USH1G: variants seen among roughly 807,000 people sequenced by gnomAD.
The protein encoded by USH1G is pre-mRNA splicing regulator USH1G.
A neutral mutation model predicts 31.9 loss-of-function variants in USH1G; 27 were observed. The ratio of observed to expected loss-of-function variants is 0.85; its 90% CI spans 0.62 to 1.17. The LOEUF is 1.17. Ranked by LOEUF, USH1G falls within the 50% of genes most tolerant of loss-of-function variation. The pLI is 0.00. For missense variants in USH1G, 674 were observed against 638.9 expected (o/e 1.05, Z -0.59); for synonymous variants, 266 against 283.2 (o/e 0.94, Z 0.61).
At position 74,920,499 on chromosome 17, in the gene USH1G, A is replaced by G; in HGVS notation, c.337T>C (p.Cys113Arg). 2 of 1,613,760 alleles carry G rather than the reference A, an allele frequency of 1.2e-6. No homozygotes were observed. The highest frequency in any genetic ancestry group is 2.2e-5 in the East Asian group (1 of 44,884). Reference protein sequence around the residue: ...DMAAMKGHMECVRYLDSIAAK... With the variant: ...DMAAMKGHMERVRYLDSIAAK... ...GCGATGGAGTCCAGGTAGCGCACGC[A>G]TTCCATGTGGCCCTTCATGGCAGCC... Residue 113 changes from cysteine to arginine, a missense_variant, in exon 2 of 3, where the codon TGC becomes CGC. Coordinates refer to ENST00000614341, the MANE Select transcript of USH1G (RefSeq NM_173477.5). The surrounding 1 kb of genome is among the most constrained non-coding windows in gnomAD (Gnocchi z 5.2).
chr17:74,917,832 G>T lies in USH1G; in HGVS notation c.*241C>A. The T allele has an allele frequency of 1.7e-6, 1 of 583,064 alleles. No individual in the cohort carries two copies. 36.1% of individuals were successfully genotyped at this position (583,064 alleles called of 1,614,324 possible). ...TGTCCTTTACGGCTGCTCAGAATGG[G>T]TGGCTCAGGGCCTTCAAGACCCCTC... On this transcript the variant is annotated 3_prime_UTR_variant, in exon 3 of 3. Coordinates refer to ENST00000614341, the MANE Select transcript of USH1G (RefSeq NM_173477.5).
In USH1G at chr17:74,922,916, C is replaced by T. The variant is rs2038962560; in HGVS notation, c.158G>A (p.Ser53Asn). Residue 53 changes from serine to asparagine, a missense_variant, in exon 1 of 3, where the codon AGC becomes AAC. By Grantham distance (46) the Ser-to-Asn change is conservative. Transcript: ENST00000614341. ...CTGGGTGGGGCGTACTCACCCGCGG[C>T]TCACAATGAGACGCAGCGACTCGAG... ...GNLESLRLIV[S>N]RGGDPDKCDI... 1 of 1,546,266 alleles carries T rather than the reference C, an allele frequency of 6.5e-7. No homozygotes were observed.
chr17:74,922,415 A>G (rs1206832522), intron 1 of USH1G, among the ~76,000 whole-genome samples: 1 of 152,078 alleles, frequency 6.6e-6, no homozygotes, highest in Non-Finnish European at 1.5e-5. Flanking sequence ...GTGTCCATAA[A>G]TCCCCAAAAT....
At position 74,921,486 on chromosome 17, in the gene USH1G, G is replaced by A. The variant is rs912083985; in HGVS notation, c.165-815C>T. On this transcript the variant is annotated intron_variant, in intron 1 of 2. Coordinates refer to ENST00000614341, the MANE Select transcript of USH1G (RefSeq NM_173477.5). The surrounding 1 kb of genome is among the most constrained non-coding windows in gnomAD (Gnocchi z 4.6). Reference sequence around the variant, plus strand: ...CAGGGCAAGCTCCCAAGACTCCTCCGGAGCTCTCCCTCCCTTGGGGGCCCA... The same window carrying A: ...CAGGGCAAGCTCCCAAGACTCCTCCAGAGCTCTCCCTCCCTTGGGGGCCCA... 4.0e-5 allele frequency among the ~76,000 whole-genome samples: 6 copies of A among 151,400 alleles called. No individual in the cohort carries two copies. Among genetic ancestry groups the A allele is most frequent in the Admixed American group, 6.6e-5 (1 of 15,240 alleles).
rs772606877 is a variant in USH1G, at chr17:74,919,773, C to A, written c.1063G>T (p.Asp355Tyr). Residue 355 changes from aspartate (D) to tyrosine (Y), a missense_variant, in exon 2 of 3, where the codon GAC (aspartate) becomes TAC (tyrosine). Asp to Tyr is a radical substitution (Grantham distance 160). Transcript: ENST00000614341. The surrounding 1 kb of genome is among the most constrained non-coding windows in gnomAD (Gnocchi z 4.5). ...AGGCTGTTGGCACTGCCCAGGCTGTCATCGTCCAGGCTGGGGGAGCTCTGC... is the reference window on the plus strand; with the variant it reads ...AGGCTGTTGGCACTGCCCAGGCTGTAATCGTCCAGGCTGGGGGAGCTCTGC... ...RLQSSPSLDD[D>Y]SLGSANSLQD... The A allele has an allele frequency of 2.5e-6, 4 of 1,612,916 alleles. No homozygotes were observed. The highest frequency in any genetic ancestry group is 1.1e-5 in the South Asian group (1 of 91,076).
At position 74,922,892 on chromosome 17, in the gene USH1G, T is replaced by A. The variant is rs1170613058; in HGVS notation, c.164+18A>T. On this transcript the variant is annotated intron_variant, in intron 1 of 2. Transcript: ENST00000614341. Reference sequence around the variant, plus strand: ...GTGGTCTCAGGGGCCTCAAGGGCACTGGGTGGGGCGTACTCACCCGCGGCT... The same window carrying A: ...GTGGTCTCAGGGGCCTCAAGGGCACAGGGTGGGGCGTACTCACCCGCGGCT... The A allele has an allele frequency of 6.5e-7, 1 of 1,539,242 alleles. No homozygotes were observed. Among genetic ancestry groups the A allele is most frequent in the Non-Finnish European group, 8.8e-7 (1 of 1,138,700 alleles).
In USH1G at chr17:74,920,391, C is replaced by G; in HGVS notation, c.445G>C (p.Glu149Gln). ...TGCCTCCGCTGCAGCTTGGCGCACT[C>G]GCGGATGCGCCGCTCCGCCTCGCGG... ...AFREAERRIR[E>Q]CAKLQRRHHE... Residue 149 changes from glutamate to glutamine, a missense_variant, in exon 2 of 3, where the codon GAG (glutamate) becomes CAG (glutamine). Transcript: ENST00000614341. The surrounding 1 kb of genome is among the most constrained non-coding windows in gnomAD (Gnocchi z 5.2). 1.9e-6 allele frequency: 3 copies of G among 1,613,188 alleles called. No homozygotes were observed. The highest frequency in any genetic ancestry group is 2.2e-5 in the East Asian group (1 of 44,878).
At position 74,920,648 on chromosome 17, in the gene USH1G, ATG is replaced by A. The variant is rs730880268; in HGVS notation, c.186_187del (p.Ile63LeufsTer71). The A allele has an allele frequency of 6.2e-7, 1 of 1,613,530 alleles. No individual in the cohort carries two copies. Among genetic ancestry groups the A allele is most frequent in the Non-Finnish European group, 8.5e-7 (1 of 1,179,958 alleles). On this transcript the variant is annotated frameshift_variant, in exon 2 of 3. Coordinates refer to ENST00000614341, the MANE Select transcript of USH1G (RefSeq NM_173477.5). LOFTEE classifies it high-confidence loss of function. The surrounding 1 kb of genome is among the most constrained non-coding windows in gnomAD (Gnocchi z 5.2). The stretch of plus-strand genomic sequence containing the variant: ...CAGATGCAGGGGTGTGTTGCCCCAG[ATG>A]TCACACTTGTCCGGGTCACCCCTGC...
Position 74,923,119 on chromosome 17 carries a change from C to T in USH1G, c.-46G>A. 2.0e-6 allele frequency: 3 copies of T among 1,525,854 alleles called. No homozygotes were observed. Among genetic ancestry groups the T allele is most frequent in the South Asian group, 2.4e-5 (2 of 81,696 alleles). The allele number at this position is 1,525,854 out of a possible 1,614,324, so 94.5% of individuals were successfully genotyped here. A position where few individuals can be genotyped will look rare whatever the true frequency, so the allele number is the denominator to read the frequency against. On this transcript the variant is annotated 5_prime_UTR_variant, in exon 1 of 3. Transcript: ENST00000614341. The surrounding 1 kb of genome is among the most constrained non-coding windows in gnomAD (Gnocchi z 5.3). Reference sequence around the variant, plus strand: ...CGGGCGGGGGACACGGAGAAAGGCCCCCCGCAGGGGAGGGCGGCGGTATTA... The same window carrying T: ...CGGGCGGGGGACACGGAGAAAGGCCTCCCGCAGGGGAGGGCGGCGGTATTA...
Position 74,917,684 on chromosome 17 carries a change from G to A in USH1G, c.*389C>T. On this transcript the variant is annotated 3_prime_UTR_variant, in exon 3 of 3. Transcript: ENST00000614341. ...GAGCACAAGAGAACAAGACCATCAG[G>A]GGAGGGGTGGGAGAGGCCACGGCGC... 3.2e-6 allele frequency: 1 copy of A among 314,100 alleles called. No homozygotes were observed. Among genetic ancestry groups the A allele is most frequent in the Non-Finnish European group, 6.1e-6 (1 of 162,832 alleles). 19.5% of individuals were successfully genotyped at this position (314,100 alleles called of 1,614,324 possible). A position where few individuals can be genotyped will look rare whatever the true frequency, so the allele number is the denominator to read the frequency against.
rs974652919 is a variant in USH1G, at chr17:74,920,022, G to A, written c.814C>T (p.Leu272Phe). The change falls in exon 2 of 3, where the codon CTC becomes TTC. Residue 272 changes from leucine (L) to phenylalanine (F), a missense_variant. Coordinates refer to ENST00000614341, the MANE Select transcript of USH1G (RefSeq NM_173477.5). The surrounding 1 kb of genome is among the most constrained non-coding windows in gnomAD (Gnocchi z 5.2). ...TCGTCCGAGAGGAACATGTCCCGGA[G>A]CGGGGCTCGGCCCCACTCCTTGGGA... ...ANPKEWGRAP[L>F]RDMFLSDEDS... 2.0e-5 allele frequency: 33 copies of A among 1,611,492 alleles called. No homozygotes were observed. Among genetic ancestry groups the A allele is most frequent in the Non-Finnish European group, 2.6e-5 (31 of 1,179,740 alleles).
chr17:74,920,256 C>A lies in USH1G; in HGVS notation c.580G>T (p.Ala194Ser). The A allele has an allele frequency of 1.2e-6, 2 of 1,602,538 alleles. No homozygotes were observed. Among genetic ancestry groups the A allele is most frequent in the Admixed American group, 1.7e-5 (1 of 59,978 alleles). Residue 194 changes from alanine to serine, a missense_variant, in exon 2 of 3, where the codon GCG becomes TCG. Ala to Ser is a moderately conservative substitution (Grantham distance 99). Coordinates refer to ENST00000614341, the MANE Select transcript of USH1G (RefSeq NM_173477.5). This position sits in a 1 kb window ranked among gnomAD's most constrained non-coding sequence, Gnocchi z 5.2. The stretch of plus-strand genomic sequence containing the variant: ...GAGTACGGCAGGTGGCTGCCCAGCG[C>A]CAGATGCTGCAGCCGGCGGCTCAGG... ...STLSRRLQHL[A>S]LGSHLPYSQA... is the part of the protein sequence containing the mutation.
chr17:74,922,853 C>T, intron 1 of USH1G, 57 bp downstream of exon 1: 1 of 1,513,816 alleles, frequency 6.6e-7, no homozygotes, highest in East Asian at 2.5e-5. Context: ...GAGTGGTGGA[C>T]GAGGAAGTTT....
intron 1 of USH1G, among the ~76,000 whole-genome samples, chr17:74,922,108 G>A (rs1304285470): frequency 3.9e-5 from 6 of 152,134 alleles, no homozygotes; most frequent in Non-Finnish European, 5.9e-5. Context: ...AAGCCACTGG[G>A]GCTGAGGGAG....
Position 74,920,226 on chromosome 17 carries a change from C to T in USH1G, c.610G>A (p.Ala204Thr), listed in dbSNP as rs1351914348. 1 of 1,603,164 alleles carries T rather than the reference C, an allele frequency of 6.2e-7. No individual in the cohort carries two copies. The highest frequency in any genetic ancestry group is 2.2e-5 in the East Asian group (1 of 44,872). The change falls in exon 2 of 3, where the codon GCC (alanine) becomes ACC (threonine). Residue 204 changes from alanine to threonine, a missense_variant. By Grantham distance (58) the Ala-to-Thr change is moderately conservative (BLOSUM62 0). Transcript: ENST00000614341. This position sits in a 1 kb window ranked among gnomAD's most constrained non-coding sequence, Gnocchi z 5.2. ...ALGSHLPYSQ[A>T]TLHGTARGKT... ...CCCCTGGCCGTGCCGTGCAGCGTGG[C>T]CTGAGAGTACGGCAGGTGGCTGCCC...
Position 74,920,211 on chromosome 17 carries a change from T to C in USH1G, c.625A>G (p.Thr209Ala). ...LPYSQATLHG[T>A]ARGKTKMQKK... ...TGCATCTTGGTCTTGCCCCTGGCCG[T>C]GCCGTGCAGCGTGGCCTGAGAGTAC... The change falls in exon 2 of 3, where the codon ACG becomes GCG. Residue 209 changes from threonine (T) to alanine (A), a missense_variant. By Grantham distance (58) the Thr-to-Ala change is moderately conservative. Coordinates refer to ENST00000614341, the MANE Select transcript of USH1G (RefSeq NM_173477.5). The surrounding 1 kb of genome is among the most constrained non-coding windows in gnomAD (Gnocchi z 5.2). The C allele has an allele frequency of 6.2e-7, 1 of 1,602,644 alleles. No individual in the cohort carries two copies.
Position 74,921,130 on chromosome 17 carries a change from G to A in USH1G, c.165-459C>T, listed in dbSNP as rs1461329409. ...ACCGTAAAAGAGAACAGACCAGTGG[G>A]TGGTGTGTGCCGGGCCCCAGCCCCG... On this transcript the variant is annotated intron_variant, in intron 1 of 2. Coordinates refer to ENST00000614341, the MANE Select transcript of USH1G (RefSeq NM_173477.5). The surrounding 1 kb of genome is among the most constrained non-coding windows in gnomAD (Gnocchi z 4.6). 2.6e-5 allele frequency among the ~76,000 whole-genome samples: 4 copies of A among 152,172 alleles called. No individual in the cohort carries two copies. The highest frequency in any genetic ancestry group is 9.7e-5 in the African/African-American group (4 of 41,428).
In USH1G at chr17:74,919,432, C is replaced by A. The variant is rs1004192113; in HGVS notation, c.1382+22G>T. 1.0e-5 allele frequency: 16 copies of A among 1,592,096 alleles called. No individual in the cohort carries two copies. The highest frequency in any genetic ancestry group is 1.3e-5 in the African/African-American group (1 of 74,130). ...CTTCCAACTCCTGCTCCTCCATCCC[C>A]CCCGCCAGGCTGGACACTCACAGCT... On this transcript the variant is annotated intron_variant, in intron 2 of 2. Coordinates refer to ENST00000614341, the MANE Select transcript of USH1G (RefSeq NM_173477.5). The surrounding 1 kb of genome is among the most constrained non-coding windows in gnomAD (Gnocchi z 4.5).
chr17:74,916,118 G>T lies in USH1G; in HGVS notation c.*1955C>A, dbSNP rs2038864489. On this transcript the variant is annotated 3_prime_UTR_variant, in exon 3 of 3. Transcript: ENST00000614341. Reference sequence around the variant, plus strand: ...ATAGAGAACATTCTCTACAAAAGTGGCAATGAGCCTGCAGGAGGGATTCGG... The same window carrying T: ...ATAGAGAACATTCTCTACAAAAGTGTCAATGAGCCTGCAGGAGGGATTCGG... The T allele has an allele frequency of 6.6e-6, 1 of 151,124 alleles. No individual in the cohort carries two copies. The highest frequency in any genetic ancestry group is 2.4e-5 in the African/African-American group (1 of 41,004). The allele number at this position is 151,124 out of a possible 1,614,324, so 9.4% of individuals were successfully genotyped here. A position where few individuals can be genotyped will look rare whatever the true frequency, so the allele number is the denominator to read the frequency against.
Sources: gnomAD v4.1 joint callset for allele counts (sites outside exome capture counted in the v4.1 genomes callset) on GRCh38, gnomAD v4.1.1 for gene constraint, Gnocchi (gnomAD v3.1) non-coding constraint, MANE v1.5 for transcripts, NCBI Gene and HGNC (gene_info 2026-07-23, HGNC 2026-07-21) for gene names.